GATAD2A: variants seen among roughly 807,000 people sequenced by gnomAD.
The protein encoded by GATAD2A is transcriptional repressor p66-alpha.
GATAD2A carries 12 observed loss-of-function variants against 68.5 expected under a neutral mutation model. The ratio of observed to expected loss-of-function variants is 0.18; its 90% CI spans 0.11 to 0.28. GATAD2A has a LOEUF of 0.28. Among genes scored for constraint, GATAD2A ranks in the 10% least tolerant of loss-of-function variants. The pLI, the probability that GATAD2A is intolerant of heterozygous loss-of-function variation, is 1.00. For synonymous variants in GATAD2A, 410 were observed against 375.3 expected, an observed-to-expected ratio of 1.09 and a Z score of -1.07; for missense variants, 755 against 868.5, an observed-to-expected ratio of 0.87 and a Z score of 1.64.
chr19:19,406,898 C>A (rs954585506), intron 1 of GATAD2A, among the ~76,000 whole-genome samples: 1 of 152,154 alleles, frequency 6.6e-6, no homozygotes, highest in Non-Finnish European at 1.5e-5. Flanking sequence ...TGTTTCTGCC[C>A]TGAGAATTTT....
intron 2 of GATAD2A, among the ~76,000 whole-genome samples, chr19:19,468,885 A>G (rs535111349): frequency 6.6e-6 from 1 of 152,348 alleles, no homozygotes; most frequent in African/African-American, 2.4e-5. Flanking sequence ...GGTTAACTGG[A>G]AAGACTTAAC....
intron 2 of GATAD2A, among the ~76,000 whole-genome samples, chr19:19,470,732 T>C (rs1195008168): frequency 6.6e-6 from 1 of 151,020 alleles, no homozygotes; most frequent in Non-Finnish European, 1.5e-5. Context: ...AAAACAAGGC[T>C]CCAGTATAGC....
chr19:19,478,433 G>T (rs1310421558), intron 2 of GATAD2A, among the ~76,000 whole-genome samples: 1 of 151,950 alleles, frequency 6.6e-6, no homozygotes, highest in Non-Finnish European at 1.5e-5. Flanking sequence ...AATCCCCGTT[G>T]CTACAAAAAA....
intron 1 of GATAD2A, among the ~76,000 whole-genome samples, chr19:19,444,462 CGTT>C (rs1010143265): frequency 1.3e-5 from 2 of 152,270 alleles, no homozygotes; most frequent in Non-Finnish European, 2.9e-5. Context: ...GGAGGCCTAT[CGTT>C]GTTGGCACCC....
At chr19:19,412,103 G>A (rs1228188756) in intron 1 of GATAD2A, among the ~76,000 whole-genome samples, 1 of 149,070 alleles carries the variant, frequency 6.7e-6, no homozygotes, top group Non-Finnish European at 1.5e-5. Flanking sequence ...TTTTTTGGTG[G>A]GCTGTCTCAG....
chr19:19,413,612 C>T (rs1458180301), intron 1 of GATAD2A, among the ~76,000 whole-genome samples: 2 of 152,064 alleles, frequency 1.3e-5, no homozygotes, highest in East Asian at 3.9e-4. Context: ...GATGGAGTCT[C>T]ACTCTGTCGC....
At chr19:19,479,158 C>T (rs978849968) in intron 2 of GATAD2A, among the ~76,000 whole-genome samples, 1 of 152,146 alleles carries the variant, frequency 6.6e-6, no homozygotes, top group Non-Finnish European at 1.5e-5. Context: ...TGAGTTGGCC[C>T]TTAGACTCTG....
intron 2 of GATAD2A, among the ~76,000 whole-genome samples, chr19:19,479,097 G>T (rs772515625): frequency 2.0e-5 from 3 of 152,036 alleles, no homozygotes; most frequent in Non-Finnish European, 4.4e-5. Context: ...ATCATTGTGC[G>T]TTTCCTCCTC....
intron 1 of GATAD2A, chr19:19,435,254 C>A: frequency 2.3e-6 from 1 of 425,820 alleles, no homozygotes; most frequent in Non-Finnish European, 5.1e-6. Context: ...CAGGGTCTCA[C>A]TCTGTCGCCC....
chr19:19,498,902 TG>T (rs2060328124), intron 8 of GATAD2A, among the ~76,000 whole-genome samples, 180 bp downstream of exon 8: 1 of 152,172 alleles, frequency 6.6e-6, no homozygotes, highest in African/African-American at 2.4e-5. Flanking sequence ...GTCCTCCGGT[TG>T]GGGCCTCTGA....
chr19:19,480,616 T>C (rs1913783592), intron 2 of GATAD2A, among the ~76,000 whole-genome samples: 1 of 152,172 alleles, frequency 6.6e-6, no homozygotes. Flanking sequence ...GAGGTTGACG[T>C]TTAATCGCAT....
intron 1 of GATAD2A, among the ~76,000 whole-genome samples, chr19:19,448,040 A>C (rs1377076903): frequency 2.6e-5 from 4 of 152,208 alleles, no homozygotes; most frequent in Non-Finnish European, 4.4e-5. Context: ...GTGACGCCTG[A>C]TGGGCACGTA....
chr19:19,422,210 C>T (rs1386258149), intron 1 of GATAD2A, among the ~76,000 whole-genome samples: 3 of 152,200 alleles, frequency 2.0e-5, no homozygotes, highest in Non-Finnish European at 4.4e-5. Context: ...AGCCTCTTCC[C>T]AGCAAGGAAA....
At chr19:19,501,912 C>T in intron 9 of GATAD2A, 57 bp from the exon 10 acceptor site, 9 of 1,383,390 alleles carry the variant, frequency 6.5e-6, no homozygotes, top group South Asian at 1.2e-5. Context: ...CACCCTCGGT[C>T]ACCCTGGGCC....
chr19:19,451,946 C>T (rs2056429920), intron 1 of GATAD2A, among the ~76,000 whole-genome samples: 4 of 152,214 alleles, frequency 2.6e-5, no homozygotes, highest in Admixed American at 6.5e-5. Flanking sequence ...TCAAGTGAGC[C>T]TCCCTCCTTG....
intron 2 of GATAD2A, among the ~76,000 whole-genome samples, chr19:19,480,739 A>T (rs1196014203): frequency 1.3e-5 from 2 of 152,250 alleles, no homozygotes; most frequent in African/African-American, 4.8e-5. Context: ...AGGTGCACCC[A>T]GCCCCCTCAG....
chr19:19,468,756 A>G (rs1381724794), intron 2 of GATAD2A, among the ~76,000 whole-genome samples: 2 of 152,258 alleles, frequency 1.3e-5, no homozygotes, highest in Non-Finnish European at 2.9e-5. Context: ...TCAGGTAAAC[A>G]AGACTGAAGG....
intron 1 of GATAD2A, among the ~76,000 whole-genome samples, chr19:19,453,975 T>G (rs1027147305): frequency 6.9e-5 from 10 of 144,904 alleles, no homozygotes; most frequent in Admixed American, 2.0e-4. Flanking sequence ...TTTTTTGTGT[T>G]TTTTTTTTTT....
intron 1 of GATAD2A, among the ~76,000 whole-genome samples, chr19:19,443,044 G>A (rs746838102): frequency 3.3e-5 from 5 of 152,096 alleles, no homozygotes; most frequent in Non-Finnish European, 5.9e-5. Flanking sequence ...CCTGCGTGCC[G>A]TTTAACATAG....
Sources: gnomAD v4.1 joint callset for allele counts (sites outside exome capture counted in the v4.1 genomes callset) on GRCh38, gnomAD v4.1.1 for gene constraint, MANE v1.5 for transcripts, NCBI Gene and HGNC (gene_info 2026-07-23, HGNC 2026-07-21) for gene names.